The following DENND4C variants were observed in gnomAD, a reference collection of about 807,000 sequenced individuals.
DENND4C encodes the protein DENN domain containing 4C.
DENND4C carries 108 observed loss-of-function variants against 203.0 expected under a neutral mutation model. The observed-to-expected ratio is 0.53, with a 90% CI of 0.46 to 0.62. DENND4C has a LOEUF of 0.62. Among genes scored for constraint, DENND4C ranks in the 20% least tolerant of loss-of-function variants. The pLI is 0.00. For missense variants in DENND4C, 2,481 were observed against 2,301.2 expected (o/e 1.08, Z -1.60); for synonymous variants, 871 against 792.4 (o/e 1.10, Z -1.67).
chr9:19,362,151 G>C (rs1460231241), intron 30 of DENND4C, among the ~76,000 whole-genome samples, 188 bp downstream of exon 30: 2 of 152,146 alleles, frequency 1.3e-5, no homozygotes, highest in Non-Finnish European at 2.9e-5. Flanking sequence ...GCAGGTGCCT[G>C]TAGTCCCAGC....
At chr9:19,267,573 A>G (rs557005900) in intron 1 of DENND4C, among the ~76,000 whole-genome samples, 4 of 152,120 alleles carry the variant, frequency 2.6e-5, no homozygotes, top group Admixed American at 2.0e-4. Context: ...TTCTCACTTT[A>G]TCCCCCAGGC....
At chr9:19,263,169 CT>C (rs890061985) in intron 1 of DENND4C, among the ~76,000 whole-genome samples, 7 of 152,084 alleles carry the variant, frequency 4.6e-5, no homozygotes, top group African/African-American at 1.7e-4. Context: ...TTATCAAATG[CT>C]TTTTCAACAT....
intron 12 of DENND4C, among the ~76,000 whole-genome samples, chr9:19,321,530 AC>A (rs1248964966): frequency 1.3e-5 from 2 of 151,446 alleles, no homozygotes; most frequent in Non-Finnish European, 2.9e-5. Context: ...GAAAAAAGAG[AC>A]TTGAGTATGC....
chr9:19,341,230 C>G lies in DENND4C; in HGVS notation c.3004+116C>G, dbSNP rs189604825. The G allele has an allele frequency of 7.8e-4, 648 of 830,888 alleles. 1 individual carries two copies. The highest frequency in any genetic ancestry group is 1.0e-3 in the Non-Finnish European group (599 of 570,720). The allele number at this position is 830,888 out of a possible 1,614,324, so 51.5% of individuals were successfully genotyped here. A position where few individuals can be genotyped will look rare whatever the true frequency, so the allele number is the denominator to read the frequency against. On this transcript the variant is annotated intron_variant, in intron 21 of 32. Transcript: ENST00000434457. Reference sequence around the variant, plus strand: ...ATTTTCACAAATGTAAGGTCTGGCTCCTAAGATGCTGTGTACTGTTACATA... The same window carrying G: ...ATTTTCACAAATGTAAGGTCTGGCTGCTAAGATGCTGTGTACTGTTACATA...
At chr9:19,354,860 C>T (rs1413549702) in intron 26 of DENND4C, among the ~76,000 whole-genome samples, 1 of 149,790 alleles carries the variant, frequency 6.7e-6, no homozygotes, top group Non-Finnish European at 1.5e-5. Context: ...CTAGCATTTT[C>T]TATGAATTGG....
chr9:19,347,823 T>C (rs556503035), intron 23 of DENND4C, among the ~76,000 whole-genome samples: 56 of 152,222 alleles, frequency 3.7e-4, no homozygotes, highest in Non-Finnish European at 7.3e-4. Flanking sequence ...TTTTTACCTA[T>C]GTAATCTCCT....
At chr9:19,239,078 G>C (rs1038302668) in intron 1 of DENND4C, among the ~76,000 whole-genome samples, 1 of 151,906 alleles carries the variant, frequency 6.6e-6, no homozygotes, top group Non-Finnish European at 1.5e-5. Flanking sequence ...GATATTTATT[G>C]TTTCTTGTTT....
chr9:19,367,944 G>A (rs1017735459), intron 30 of DENND4C, among the ~76,000 whole-genome samples: 29 of 152,182 alleles, frequency 1.9e-4, no homozygotes, highest in Admixed American at 1.6e-3. Context: ...ATAAGAAAAT[G>A]TATAGAGACA....
In DENND4C at chr9:19,345,861, T is replaced by C. The variant is rs1264859936; in HGVS notation, c.3152-60T>C. ...TTCATAATCAGGAAAACAATAAATA[T>C]TTTAATAAAAGTTAACTTGGAAAAT... On this transcript the variant is annotated intron_variant, in intron 22 of 32. Transcript: ENST00000434457. 3.6e-6 allele frequency: 5 copies of C among 1,396,430 alleles called. No homozygotes were observed. In the African/African-American group the frequency reaches 5.8e-5, roughly 16 times the overall value. The allele number at this position is 1,396,430 out of a possible 1,614,324, so 86.5% of individuals were successfully genotyped here.
chr9:19,254,390 C>G lies in DENND4C; in HGVS notation c.-17-21768C>G, dbSNP rs1029384676. ...GAAATTGTGGCATACACACACACAG[C>G]AGAATACTATTTAGCCATAAAAAGA... is the stretch of plus-strand genomic sequence containing the variant. On this transcript the variant is annotated intron_variant, in intron 1 of 32. Transcript: ENST00000434457. Among the ~76,000 whole-genome samples, 22 of 152,264 alleles carry G rather than the reference C, an allele frequency of 1.4e-4. 2 individuals are homozygous for G. The highest frequency in any genetic ancestry group is 4.6e-4 in the Admixed American group (7 of 15,292).
Position 19,341,010 on chromosome 9 carries a change from G to T in DENND4C, c.2900G>T (p.Gly967Val). 6.2e-7 allele frequency: 1 copy of T among 1,610,942 alleles called. No homozygotes were observed. Among genetic ancestry groups the T allele is most frequent in the Non-Finnish European group, 8.5e-7 (1 of 1,178,690 alleles). The change falls in exon 21 of 33, where the codon GGA (glycine) becomes GTA (valine). Residue 967 changes from glycine (G) to valine (V), a missense_variant. Physicochemically the swap from Gly to Val is moderately radical, Grantham distance 109 (BLOSUM62 -3). Around this residue, in one of 3 missense-constraint regions of DENND4C, gnomAD observed 2,289 missense variants for 2,113.3 expected, o/e 1.08. Coordinates refer to ENST00000434457, the MANE Select transcript of DENND4C (RefSeq NM_001330640.2). ...HSSTGGQSDQ[G>V]YGSKDELIKD... ...TTAACAGGTGGTCAGTCTGACCAAG[G>T]ATACGGGTCTAAGGATGAACTTATA... is the stretch of plus-strand genomic sequence containing the variant.
chr9:19,280,189 G>A (rs1476220511), intron 2 of DENND4C, among the ~76,000 whole-genome samples: 3 of 150,468 alleles, frequency 2.0e-5, no homozygotes, highest in Non-Finnish European at 2.9e-5. Flanking sequence ...GTCTCGCTCT[G>A]TCCAGGCTGG....
chr9:19,244,498 T>C (rs998717899), intron 1 of DENND4C, among the ~76,000 whole-genome samples: 1 of 151,962 alleles, frequency 6.6e-6, no homozygotes, highest in African/African-American at 2.4e-5. Flanking sequence ...CCCAGCACTT[T>C]GGGAGGCTGA....
Position 19,373,785 on chromosome 9 carries a change from A to C in DENND4C, c.*1612A>C, listed in dbSNP as rs1174387211. 6.6e-6 allele frequency among the ~76,000 whole-genome samples: 1 copy of C among 152,234 alleles called. No individual in the cohort carries two copies. Among genetic ancestry groups the C allele is most frequent in the East Asian group, 1.9e-4 (1 of 5,202 alleles). On this transcript the variant is annotated 3_prime_UTR_variant, in exon 33 of 33. Transcript: ENST00000434457. The stretch of plus-strand genomic sequence containing the variant: ...AGATGACTAAATGAGTTGACACAGT[A>C]AAATTACTTCCATATGGTACAGTAA...
chr9:19,373,696 T>TTG lies in DENND4C; in HGVS notation c.*1524_*1525dup, dbSNP rs1829208746. ...AAAATATCCCTTAGGAACAGTAAGTTTGCCTTAACTCTCTGCATGGTTTAA... is the reference window on the plus strand; with the variant it reads ...AAAATATCCCTTAGGAACAGTAAGTTTGTGCCTTAACTCTCTGCATGGTTTAA... On this transcript the variant is annotated 3_prime_UTR_variant, in exon 33 of 33. Coordinates refer to ENST00000434457, the MANE Select transcript of DENND4C (RefSeq NM_001330640.2). Among the ~76,000 whole-genome samples the TTG allele has an allele frequency of 6.6e-6, 1 of 152,178 alleles. No individual in the cohort carries two copies. The highest frequency in any genetic ancestry group is 6.5e-5 in the Admixed American group (1 of 15,272).
rs543276899 is a variant in DENND4C at position 19,373,861 on chromosome 9, G to T, written c.*1688G>T. On this transcript the variant is annotated 3_prime_UTR_variant, in exon 33 of 33. Transcript: ENST00000434457. Reference sequence around the variant, plus strand: ...TAACCATTTACAAATTATAGTTATTGTACCAGTCTTTCAACATTTCAGGGT... The same window carrying T: ...TAACCATTTACAAATTATAGTTATTTTACCAGTCTTTCAACATTTCAGGGT... 6.6e-6 allele frequency among the ~76,000 whole-genome samples: 1 copy of T among 152,104 alleles called. No homozygotes were observed. The highest frequency in any genetic ancestry group is 1.5e-5 in the Non-Finnish European group (1 of 67,958).
intron 20 of DENND4C, among the ~76,000 whole-genome samples, chr9:19,339,531 A>G (rs1821154775): frequency 6.6e-6 from 1 of 152,158 alleles, no homozygotes; most frequent in Non-Finnish European, 1.5e-5. Flanking sequence ...TCAGGTTGTC[A>G]CGTCCTACAG....
chr9:19,332,507 T>A, intron 17 of DENND4C, among the ~76,000 whole-genome samples: 1 of 146,772 alleles, frequency 6.8e-6, no homozygotes, highest in Non-Finnish European at 1.5e-5. Context: ...CATGTTACCA[T>A]ACCTGGCTAA....
At chr9:19,299,488 C>T (rs1222721490) in intron 8 of DENND4C, among the ~76,000 whole-genome samples, 1 of 152,066 alleles carries the variant, frequency 6.6e-6, no homozygotes, top group Non-Finnish European at 1.5e-5. Flanking sequence ...TAAATGGGAA[C>T]AATTAAGAGA....
Sources: allele counts gnomAD v4.1 joint callset (sites outside exome capture counted in the v4.1 genomes callset), GRCh38; gene constraint gnomAD v4.1.1; regional missense constraint gnomAD v4.1.1; transcripts MANE v1.5; gene names NCBI Gene and HGNC (gene_info 2026-07-23, HGNC 2026-07-21).